Variants in SLC24A1 observed in about 807,000 individuals in gnomAD.
SLC24A1 encodes the protein sodium/potassium/calcium exchanger 1.
SLC24A1 carries 52 observed loss-of-function variants against 88.1 expected under a neutral mutation model. The ratio of observed to expected loss-of-function variants is 0.59; its 90% confidence interval spans 0.47 to 0.74. The LOEUF is 0.74. Ranked by LOEUF, SLC24A1 falls within the 30% of genes least tolerant of loss-of-function variation. The probability of loss-of-function intolerance (pLI) is 0.00; values close to 1 mark genes in which losing one functional copy is unlikely to be tolerated. For missense variants in SLC24A1, 1,173 were observed against 1,363.3 expected, an observed-to-expected ratio of 0.86 and a Z score of 2.20; for synonymous variants, 455 against 498.0, an observed-to-expected ratio of 0.91 and a Z score of 1.15.
In SLC24A1 at chr15:65,625,930, G is replaced by T. The variant is rs2074498564; in HGVS notation, c.1850G>T (p.Arg617Met). The change falls in exon 2 of 10, where the codon AGG becomes ATG. Residue 617 changes from arginine (R) to methionine (M), a missense_variant. Arg to Met is a moderately conservative substitution (Grantham distance 91). Transcript: ENST00000261892. Reference protein sequence around the residue: ...EVWVKEQLSRRPVAKVMALED... With the variant: ...EVWVKEQLSRMPVAKVMALED... ...TGGGTGAAGGAGCAGCTCAGCAGGA[G>T]GCCAGTGGCCAAGGTCATGGCCTTA... 1 of 1,614,016 alleles carries T rather than the reference G, an allele frequency of 6.2e-7. No homozygotes were observed. Among genetic ancestry groups the T allele is most frequent in the East Asian group, 2.2e-5 (1 of 44,888 alleles).
chr15:65,651,503 C>T (rs1398721703), intron 7 of SLC24A1, among the ~76,000 whole-genome samples, 167 bp from the exon 8 acceptor site: 2 of 152,166 alleles, frequency 1.3e-5, no homozygotes, highest in Admixed American at 6.5e-5. Context: ...CTTTTCCATC[C>T]ATCTCAAGGT....
chr15:65,628,567 C>T (rs1374243541), intron 2 of SLC24A1, among the ~76,000 whole-genome samples: 2 of 152,130 alleles, frequency 1.3e-5, no homozygotes, highest in Non-Finnish European at 2.9e-5. Flanking sequence ...CTCATAAAAC[C>T]ATACAAGGAA....
At chr15:65,627,434 A>C (rs2074557083) in intron 2 of SLC24A1, among the ~76,000 whole-genome samples, 1 of 152,230 alleles carries the variant, frequency 6.6e-6, no homozygotes, top group Non-Finnish European at 1.5e-5. Flanking sequence ...AAAAGGAAAT[A>C]TCCTGCCCAG....
In SLC24A1 at chr15:65,625,476, T is replaced by C. The variant is rs771952495; in HGVS notation, c.1396T>C (p.Phe466Leu). Reference sequence around the variant, plus strand: ...GCACGTTTTTGGCATGATGTATGTGTTTGTGGCCTTGGCCATTGTTTGCGA... The same window carrying C: ...GCACGTTTTTGGCATGATGTATGTGCTTGTGGCCTTGGCCATTGTTTGCGA... Reference protein sequence around the residue: ...VLHVFGMMYVFVALAIVCDEY... With the variant: ...VLHVFGMMYVLVALAIVCDEY... Residue 466 changes from phenylalanine to leucine, a missense_variant, in exon 2 of 10, where the codon TTT (phenylalanine) becomes CTT (leucine). By Grantham distance (22) the Phe-to-Leu change is conservative (BLOSUM62 0). Coordinates refer to ENST00000261892, the MANE Select transcript of SLC24A1 (RefSeq NM_004727.3). 1.9e-6 allele frequency: 3 copies of C among 1,613,852 alleles called. No individual in the cohort carries two copies. In the African/African-American group the frequency reaches 4.0e-5, roughly 22 times the overall value.
chr15:65,612,028 C>G (rs961043666), intron 1 of SLC24A1: 2 of 152,294 alleles, frequency 1.3e-5, no homozygotes, highest in African/African-American at 4.8e-5. Flanking sequence ...AGCAGAGGGC[C>G]CTCGTTCCTC....
At chr15:65,660,126 A>C, downstream of SLC24A1, 1 of 552,270 alleles carries the variant, frequency 1.8e-6, no homozygotes, top group Non-Finnish European at 3.2e-6. Flanking sequence ...TAGAACATGA[A>C]GCTTGGATCT....
chr15:65,628,404 T>C (rs894969725), intron 2 of SLC24A1, among the ~76,000 whole-genome samples: 2 of 152,234 alleles, frequency 1.3e-5, no homozygotes, highest in Non-Finnish European at 2.9e-5. Context: ...GCCCAGTGTC[T>C]TGTTCTTAGA....
chr15:65,648,710 C>G (rs2141690297), intron 6 of SLC24A1, among the ~76,000 whole-genome samples: 1 of 152,050 alleles, frequency 6.6e-6, no homozygotes, highest in Middle Eastern at 3.4e-3. Flanking sequence ...CCACTTTAGT[C>G]AGGCTGGTCT....
intron 2 of SLC24A1, 30 bp from the exon 3 acceptor site, chr15:65,638,098 A>G (rs369079834): frequency 1.5e-5 from 24 of 1,569,388 alleles, no homozygotes; most frequent in Non-Finnish European, 2.1e-5. Context: ...TCTCGCCACA[A>G]CATCTCGTGA....
At chr15:65,659,317 TTC>T (rs1320513292), downstream of SLC24A1, 17 of 138,186 alleles carry the variant, frequency 1.2e-4, no homozygotes, top group African/African-American at 3.7e-4. Context: ...GATTGATATT[TTC>T]TGGTTTTTTT....
In SLC24A1 at chr15:65,624,776, C is replaced by T. The variant is rs773602954; in HGVS notation, c.696C>T (p.Leu232=). 1.7e-5 allele frequency: 27 copies of T among 1,613,788 alleles called. No homozygotes were observed. Among genetic ancestry groups the T allele is most frequent in the Non-Finnish European group, 2.0e-5 (24 of 1,179,850 alleles). The change falls in exon 2 of 10, where the codon CTC becomes CTT. Residue 232 remains leucine (L), a synonymous_variant. Transcript: ENST00000261892. The part of the protein sequence containing the change: ...DSDITATYKI[L]ETNSLKRIME... ...ACATTACAGCAACCTATAAAATACT[C>T]GAAACCAACTCTCTTAAGAGAATAA...
At chr15:65,651,835 C>A in intron 8 of SLC24A1, 76 bp downstream of exon 8, 1 of 774,784 alleles carries the variant, frequency 1.3e-6, no homozygotes, top group Non-Finnish European at 2.3e-6. Context: ...ATCTCCGGTA[C>A]TCAGGGAATC....
upstream of SLC24A1, among the ~76,000 whole-genome samples, chr15:65,620,136 A>G (rs2074273467): frequency 6.6e-6 from 1 of 151,738 alleles, no homozygotes; most frequent in South Asian, 2.1e-4. Context: ...TATTTATTAA[A>G]TACATTCATT....
At position 65,650,720 on chromosome 15, in the gene SLC24A1, G is replaced by C. The variant is rs780204923; in HGVS notation, c.2571G>C (p.Gly857=). 13 of 1,568,014 alleles carry C rather than the reference G, an allele frequency of 8.3e-6. No individual in the cohort carries two copies. Among genetic ancestry groups the C allele is most frequent in the Non-Finnish European group, 7.8e-6 (9 of 1,156,364 alleles). ...GVEDGGGSDG[G]DSEEEEEEEE... is the part of the protein sequence containing the mutation. ...AAGATGGAGGGGGAAGTGATGGAGG[G>C]GATAGCGAAGAGGAGGAAGAGGAGG... The change falls in exon 7 of 10, where the codon GGG becomes GGC. Residue 857 remains glycine, a synonymous_variant. Coordinates refer to ENST00000261892, the MANE Select transcript of SLC24A1 (RefSeq NM_004727.3). This position sits in a 1 kb window ranked among gnomAD's most constrained non-coding sequence, Gnocchi z 4.1.
chr15:65,646,332 C>T (rs2075299419), intron 6 of SLC24A1, among the ~76,000 whole-genome samples: 2 of 152,126 alleles, frequency 1.3e-5, no homozygotes, highest in Admixed American at 1.3e-4. Flanking sequence ...CCACCTTGGC[C>T]TCCCAAAGTG....
At position 65,625,469 on chromosome 15, in the gene SLC24A1, G is replaced by A. The variant is rs749306035; in HGVS notation, c.1389G>A (p.Met463Ile). 3.1e-6 allele frequency: 5 copies of A among 1,613,942 alleles called. No homozygotes were observed. The Admixed American group carries it at 6.7e-5, about 22-fold the overall frequency. ...GWVVLHVFGMMYVFVALAIVC... is the reference protein window; with the variant it reads ...GWVVLHVFGMIYVFVALAIVC... The stretch of plus-strand genomic sequence containing the variant: ...TGGTCCTGCACGTTTTTGGCATGAT[G>A]TATGTGTTTGTGGCCTTGGCCATTG... The change falls in exon 2 of 10, where the codon ATG (methionine) becomes ATA (isoleucine). Residue 463 changes from methionine to isoleucine, a missense_variant. Coordinates refer to ENST00000261892, the MANE Select transcript of SLC24A1 (RefSeq NM_004727.3).
At chr15:65,651,805 G>A (rs759485896) in intron 8 of SLC24A1, 46 bp downstream of exon 8, 19 of 964,772 alleles carry the variant, frequency 2.0e-5, no homozygotes, top group South Asian at 2.6e-5. Flanking sequence ...AGGTCCCAAC[G>A]ACACTTTCCT....
Position 65,625,429 on chromosome 15 carries a change from G to A in SLC24A1, c.1349G>A (p.Arg450Gln), listed in dbSNP as rs201483617. Reference sequence around the variant, plus strand: ...CCAGATCTGTTCAGTGTGGAGGAGCGGCGGCAGGGCTGGGTGGTCCTGCAC... The same window carrying A: ...CCAGATCTGTTCAGTGTGGAGGAGCAGCGGCAGGGCTGGGTGGTCCTGCAC... ...YPPDLFSVEERRQGWVVLHVF... is the reference protein window; with the variant it reads ...YPPDLFSVEEQRQGWVVLHVF... Residue 450 changes from arginine to glutamine, a missense_variant, in exon 2 of 10, where the codon CGG (arginine) becomes CAG (glutamine). Transcript: ENST00000261892. 3.1e-6 allele frequency: 5 copies of A among 1,614,074 alleles called. No individual in the cohort carries two copies. The highest frequency in any genetic ancestry group is 1.1e-5 in the South Asian group (1 of 91,080).
chr15:65,623,637 A>G (rs1439958313), intron 1 of SLC24A1, among the ~76,000 whole-genome samples: 3 of 152,100 alleles, frequency 2.0e-5, no homozygotes, highest in Non-Finnish European at 2.9e-5. Context: ...TTAGGCTTGG[A>G]CCTGAAGAGT....
Sources: gnomAD v4.1 joint callset for allele counts (sites outside exome capture counted in the v4.1 genomes callset) on GRCh38, gnomAD v4.1.1 for gene constraint, Gnocchi (gnomAD v3.1) non-coding constraint, MANE v1.5 for transcripts, NCBI Gene and HGNC (gene_info 2026-07-23, HGNC 2026-07-21) for gene names.